The following GLIS3 variants were observed in gnomAD, a reference collection of about 807,000 sequenced individuals.
GLIS3 encodes zinc finger protein GLIS3.
Under a neutral mutation model 78.6 loss-of-function variants are expected in GLIS3, and 53 were observed. The ratio of observed to expected loss-of-function variants is 0.67; its 90% CI spans 0.54 to 0.85. The LOEUF is 0.85. GLIS3 is among the 40% of genes least tolerant of loss of function. GLIS3 has a pLI of 0.00. For synonymous variants in GLIS3, 684 were observed against 509.9 expected (o/e 1.34, Z -4.60); for missense variants, 1,703 against 1,231.1 (o/e 1.38, Z -5.74).
chr9:4,032,548 T>C (rs1343897042), intron 4 of GLIS3, among the ~76,000 whole-genome samples: 1 of 152,164 alleles, frequency 6.6e-6, no homozygotes, highest in African/African-American at 2.4e-5. Context: ...TAAAACAAAC[T>C]GAAGGCGTAG....
intron 4 of GLIS3, among the ~76,000 whole-genome samples, chr9:3,989,448 T>C (rs1820040276): frequency 6.6e-6 from 1 of 152,236 alleles, no homozygotes; most frequent in Admixed American, 6.5e-5. Flanking sequence ...CAAATATTCA[T>C]AGCAGCTTTA....
At chr9:3,836,479 AGGGACAC>A (rs1818359840) in intron 9 of GLIS3, among the ~76,000 whole-genome samples, 1 of 152,244 alleles carries the variant, frequency 6.6e-6, no homozygotes, top group Non-Finnish European at 1.5e-5. Context: ...CCCCAAGGAC[AGGGACAC>A]AGAAGATGCA....
chr9:3,959,601 C>G (rs1280426812), intron 4 of GLIS3, among the ~76,000 whole-genome samples: 1 of 152,204 alleles, frequency 6.6e-6, no homozygotes, highest in African/African-American at 2.4e-5. Flanking sequence ...TCCTCACAAG[C>G]CCTGCAGCTA....
At chr9:4,146,447 T>C (rs1834232853) in intron 2 of GLIS3, among the ~76,000 whole-genome samples, 1 of 152,180 alleles carries the variant, frequency 6.6e-6, no homozygotes, top group Admixed American at 6.5e-5. Context: ...CTTGGCCCTT[T>C]CCTCATTCCA....
the GLIS3 span, among the ~76,000 whole-genome samples, chr9:4,384,935 G>A: frequency 5.1e-4 from 78 of 151,496 alleles, no homozygotes; most frequent in Non-Finnish European, 8.4e-4. Flanking sequence ...TCATTGTAAC[G>A]ATTTTCAACT....
At chr9:4,457,327 C>T in the GLIS3 span, among the ~76,000 whole-genome samples, 1 of 151,474 alleles carries the variant, frequency 6.6e-6, no homozygotes, top group Admixed American at 6.6e-5. Flanking sequence ...TACCACTGCA[C>T]TCCAGCCTGG....
chr9:4,377,949 A>G, the GLIS3 span, among the ~76,000 whole-genome samples: 44,069 of 152,026 alleles, frequency 0.29, 6,751 homozygotes, highest in South Asian at 0.43. Context: ...ATATTCAAAA[A>G]TACATGTCTA....
the GLIS3 span, among the ~76,000 whole-genome samples, chr9:4,481,252 G>C: frequency 1.3e-5 from 2 of 152,290 alleles, no homozygotes; most frequent in East Asian, 3.9e-4. Flanking sequence ...GGGAGGCCGA[G>C]GCAGGCGGAT....
chr9:3,859,538 T>C (rs554879730), intron 8 of GLIS3, among the ~76,000 whole-genome samples: 3 of 152,326 alleles, frequency 2.0e-5, no homozygotes, highest in Non-Finnish European at 2.9e-5. Flanking sequence ...ATTATAGTTA[T>C]TTGCCATTTT....
In GLIS3 at chr9:3,845,030, T is replaced by G. The variant is rs975520670; in HGVS notation, c.2473+10979A>C. On this transcript the variant is annotated intron_variant, in intron 9 of 10. Transcript: ENST00000381971. ...ACTCAGTAATCCAGCATTTTCTCTT[T>G]TAGAAATATTTCCTAAGAAACTGTG... 3.9e-5 allele frequency among the ~76,000 whole-genome samples: 6 copies of G among 152,098 alleles called. No homozygotes were observed. In the East Asian group the frequency reaches 1.2e-3, roughly 29 times the overall value.
chr9:3,877,673 T>C (rs868689713), intron 8 of GLIS3, among the ~76,000 whole-genome samples: 1 of 152,334 alleles, frequency 6.6e-6, no homozygotes. Flanking sequence ...GTCCCTCCTC[T>C]TTGCTCCACA....
chr9:4,201,553 G>C (rs1181213597), intron 2 of GLIS3, among the ~76,000 whole-genome samples: 1 of 152,070 alleles, frequency 6.6e-6, no homozygotes. Flanking sequence ...TTCAAGCTGA[G>C]AGCCTAATTA....
chr9:3,866,572 G>C (rs985373920), intron 8 of GLIS3, among the ~76,000 whole-genome samples: 1 of 152,214 alleles, frequency 6.6e-6, no homozygotes, highest in South Asian at 2.1e-4. Flanking sequence ...GGTCATGTGA[G>C]GTTCTGATGA....
intron 2 of GLIS3, among the ~76,000 whole-genome samples, chr9:4,315,308 C>A (rs1817421245): frequency 6.6e-6 from 1 of 152,156 alleles, no homozygotes; most frequent in East Asian, 1.9e-4. Context: ...ATGCCTATCT[C>A]CTACACAAGA....
chr9:3,912,462 T>A (rs1326815529), intron 6 of GLIS3, among the ~76,000 whole-genome samples: 1 of 152,204 alleles, frequency 6.6e-6, no homozygotes, highest in Admixed American at 6.5e-5. Flanking sequence ...CCGGGAATGT[T>A]AATACTTCAT....
chr9:4,363,976 C>G, the GLIS3 span, among the ~76,000 whole-genome samples: 1 of 152,156 alleles, frequency 6.6e-6, no homozygotes, highest in Non-Finnish European at 1.5e-5. Flanking sequence ...CAAGAGTTCG[C>G]AATCTTTGGC....
chr9:4,310,558 G>T (rs12336107), intron 2 of GLIS3: 2 of 152,130 alleles, frequency 1.3e-5, no homozygotes, highest in Admixed American at 6.5e-5. Context: ...ATTAGTTTCA[G>T]TGCCGAATCA....
At chr9:4,034,161 C>G (rs1004589287) in intron 4 of GLIS3, among the ~76,000 whole-genome samples, 2 of 151,946 alleles carry the variant, frequency 1.3e-5, no homozygotes. Context: ...CCCAGGAGGT[C>G]AAGTCTCAGT....
At chr9:4,470,561 T>C in the GLIS3 span, among the ~76,000 whole-genome samples, 1 of 152,192 alleles carries the variant, frequency 6.6e-6, no homozygotes, top group African/African-American at 2.4e-5. Flanking sequence ...ACAATCTTCA[T>C]GCTAAAAACT....
Sources: allele counts gnomAD v4.1 joint callset (sites outside exome capture counted in the v4.1 genomes callset), GRCh38; gene constraint gnomAD v4.1.1; transcripts MANE v1.5; gene names NCBI Gene and HGNC (gene_info 2026-07-23, HGNC 2026-07-21).